Variants in WNK1 observed in about 807,000 individuals in gnomAD.
The protein encoded by WNK1 is WNK lysine deficient protein kinase 1, also known as serine/threonine-protein kinase WNK1.
In WNK1, 38 loss-of-function variants were observed where a neutral mutation model predicts 222.8. The ratio of observed to expected loss-of-function variants is 0.17; its 90% confidence interval spans 0.13 to 0.22. The LOEUF is 0.22. Among genes scored for constraint, WNK1 ranks in the 10% least tolerant of loss-of-function variants. The pLI, the probability that WNK1 is intolerant of heterozygous loss-of-function variation, is 1.00. For missense variants in WNK1, 2,348 were observed against 2,918.4 expected (o/e 0.80, Z 4.50); for synonymous variants, 1,090 against 1,092.9 (o/e 1.00, Z 0.05).
At chr12:799,188 A>G (rs937017713) in intron 1 of WNK1, among the ~76,000 whole-genome samples, 2 of 152,044 alleles carry the variant, frequency 1.3e-5, no homozygotes, top group Non-Finnish European at 2.9e-5. Context: ...CAGTGGCGCA[A>G]TTTCAGCTTA....
Position 753,185 on chromosome 12 carries a change from T to G in WNK1, c.-381T>G. The G allele has an allele frequency of 5.8e-6, 1 of 171,132 alleles. No homozygotes were observed. The highest frequency in any genetic ancestry group is 1.2e-5 in the Non-Finnish European group (1 of 80,708). 10.6% of individuals were successfully genotyped at this position (171,132 alleles called of 1,614,324 possible). On this transcript the variant is annotated 5_prime_UTR_variant, in exon 1 of 28. Coordinates refer to ENST00000315939, the MANE Select transcript of WNK1 (RefSeq NM_018979.4). The surrounding 1 kb of genome is among the most constrained non-coding windows in gnomAD (Gnocchi z 5.2). The stretch of plus-strand genomic sequence containing the variant: ...GGCAGTGGGAGCCGCGTCCGCCGCA[T>G]CCGCCTCGACTCGGTGCCGGCCCCT...
intron 1 of WNK1, among the ~76,000 whole-genome samples, chr12:769,343 C>T (rs150723789): frequency 2.0e-5 from 3 of 151,922 alleles, no homozygotes; most frequent in African/African-American, 4.8e-5. Flanking sequence ...GGATTACAGG[C>T]GCATGCCACC....
intron 8 of WNK1, 64 bp from the exon 9 acceptor site, chr12:871,201 G>A (rs72649872): frequency 2.7e-6 from 4 of 1,454,612 alleles, no homozygotes; most frequent in East Asian, 2.3e-5. Context: ...CATTGCAAAA[G>A]CCTGACCTCT....
intron 4 of WNK1, among the ~76,000 whole-genome samples, chr12:855,189 A>C (rs1010935536): frequency 3.3e-5 from 5 of 152,232 alleles, no homozygotes; most frequent in African/African-American, 1.2e-4. Context: ...CTTCACTAGA[A>C]TTATATGAAG....
intron 8 of WNK1, chr12:865,159 T>TG: frequency 6.5e-7 from 1 of 1,531,954 alleles, no homozygotes; most frequent in Non-Finnish European, 8.7e-7. Context: ...TTTCTGCTGT[T>TG]GCCTCTGTGT....
In WNK1 at chr12:908,048, T is replaced by C. The variant is rs1592279464; in HGVS notation, c.6831+14T>C. The C allele has an allele frequency of 6.2e-7, 1 of 1,613,790 alleles. No individual in the cohort carries two copies. The highest frequency in any genetic ancestry group is 2.2e-5 in the East Asian group (1 of 44,880). ...ATGAATTACGAGGTAAGTCTCTCTT[T>C]TGCCGCAGAGAATCCGTAACACACA... On this transcript the variant is annotated intron_variant, in intron 27 of 27. Coordinates refer to ENST00000315939, the MANE Select transcript of WNK1 (RefSeq NM_018979.4).
Position 880,968 on chromosome 12 carries a change from C to A in WNK1, c.3080C>A (p.Pro1027His). Residue 1027 changes from proline to histidine, a missense_variant, in exon 12 of 28, where the codon CCC (proline) becomes CAC (histidine). Physicochemically the swap from Pro to His is moderately conservative, Grantham distance 77 (BLOSUM62 -2). Around this residue, in one of 13 missense-constraint regions of WNK1, gnomAD observed 547 missense variants for 558.3 expected, o/e 0.98. Coordinates refer to ENST00000315939, the MANE Select transcript of WNK1 (RefSeq NM_018979.4). The part of the protein sequence containing the change: ...SQPGGSLAQA[P>H]TTSSQQAVLE... ...CCAGGAGGGAGTTTAGCACAAGCCC[C>A]CACTACATCCTCCCAGCAAGCAGTT... 1 of 1,614,134 alleles carries A rather than the reference C, an allele frequency of 6.2e-7. No individual in the cohort carries two copies. The highest frequency in any genetic ancestry group is 8.5e-7 in the Non-Finnish European group (1 of 1,180,020).
At chr12:859,188 T>G (rs1390861992) in intron 5 of WNK1, 57 bp from the exon 6 acceptor site, 3 of 1,448,812 alleles carry the variant, frequency 2.1e-6, no homozygotes, top group Non-Finnish European at 2.9e-6. Context: ...TGAAAATTAT[T>G]TTTTCAAACT....
rs1190991282 is a variant in WNK1, at chr12:753,605, G to C, written c.40G>C (p.Gly14Arg). Residue 14 changes from glycine (G) to arginine (R), a missense_variant, in exon 1 of 28, where the codon GGT (glycine) becomes CGT (arginine). Transcript: ENST00000315939. This position sits in a 1 kb window ranked among gnomAD's most constrained non-coding sequence, Gnocchi z 5.2. ...CGCAGAGAAGCAGAGCAGCACTCCC[G>C]GTTCCCTGTTCCTCTCGCCGCCGGC... ...GAAEKQSSTP[G>R]SLFLSPPAPA... 6.2e-7 allele frequency: 1 copy of C among 1,612,728 alleles called. No homozygotes were observed. The highest frequency in any genetic ancestry group is 8.5e-7 in the Non-Finnish European group (1 of 1,179,912).
intron 4 of WNK1, among the ~76,000 whole-genome samples, chr12:835,019 T>G (rs138749285): frequency 1.3e-5 from 2 of 152,210 alleles, no homozygotes; most frequent in Non-Finnish European, 2.9e-5. Flanking sequence ...ACTTCTTTCT[T>G]GTGAATAACC....
intron 8 of WNK1, chr12:865,335 TC>T: frequency 6.5e-7 from 1 of 1,536,158 alleles, no homozygotes. Context: ...GCACCGACGC[TC>T]CAGCCTGCCT....
chr12:882,880 T>C, intron 14 of WNK1, 63 bp from the exon 15 acceptor site: 2 of 1,062,938 alleles, frequency 1.9e-6, no homozygotes, highest in South Asian at 2.5e-5. Flanking sequence ...GCATTGCTTT[T>C]CTGAAATTCA....
At chr12:866,988 T>C (rs1951726914) in intron 8 of WNK1, among the ~76,000 whole-genome samples, 1 of 152,070 alleles carries the variant, frequency 6.6e-6, no homozygotes, top group African/African-American at 2.4e-5. Context: ...CTGGGCGTGG[T>C]GGCGCACGCG....
At chr12:795,013 A>G (rs949573840) in intron 1 of WNK1, among the ~76,000 whole-genome samples, 5 of 152,238 alleles carry the variant, frequency 3.3e-5, no homozygotes, top group African/African-American at 1.2e-4. Context: ...TGGCCTCCTG[A>G]AGAGCTAGGA....
chr12:770,100 G>C (rs943422697), intron 1 of WNK1, among the ~76,000 whole-genome samples: 1 of 151,754 alleles, frequency 6.6e-6, no homozygotes, highest in Non-Finnish European at 1.5e-5. Flanking sequence ...CAGCCTCCCT[G>C]AGTAGCTGGG....
intron 9 of WNK1, among the ~76,000 whole-genome samples, chr12:874,917 C>T (rs1236788360): frequency 6.6e-6 from 1 of 152,002 alleles, no homozygotes; most frequent in Non-Finnish European, 1.5e-5. Flanking sequence ...TAACATCTCT[C>T]CCAAGCAGGA....
chr12:834,059 A>G (rs1005542357), intron 4 of WNK1, among the ~76,000 whole-genome samples: 4 of 152,246 alleles, frequency 2.6e-5, no homozygotes, highest in African/African-American at 9.6e-5. Context: ...TTTCACAAAA[A>G]GAGCTGTTGT....
At chr12:772,065 T>G (rs1942572912) in intron 1 of WNK1, among the ~76,000 whole-genome samples, 1 of 152,226 alleles carries the variant, frequency 6.6e-6, no homozygotes, top group South Asian at 2.1e-4. Context: ...CTTCATTTAT[T>G]TCCACCTTAG....
At chr12:819,828 A>G (rs1330421239) in intron 2 of WNK1, among the ~76,000 whole-genome samples, 1 of 152,046 alleles carries the variant, frequency 6.6e-6, no homozygotes, top group African/African-American at 2.4e-5. Flanking sequence ...AGAGACTTTT[A>G]CCTATTGAAT....
Sources: gnomAD v4.1 joint callset for allele counts (sites outside exome capture counted in the v4.1 genomes callset) on GRCh38, gnomAD v4.1.1 for gene constraint, gnomAD v4.1.1 regional missense constraint, Gnocchi (gnomAD v3.1) non-coding constraint, MANE v1.5 for transcripts, NCBI Gene and HGNC (gene_info 2026-07-23, HGNC 2026-07-21) for gene names.